Variants in MAST4 observed in about 807,000 individuals in gnomAD.
The protein encoded by MAST4 is microtubule associated serine/threonine kinase family member 4, also known as microtubule-associated serine/threonine-protein kinase 4.
A neutral mutation model predicts 162.7 loss-of-function variants in MAST4; 89 were observed. The observed-to-expected ratio is 0.55, with a 90% CI of 0.46 to 0.65. The LOEUF is 0.65. Ranked by LOEUF, MAST4 falls within the 30% of genes least tolerant of loss-of-function variation. MAST4 has a pLI of 0.00. For missense variants in MAST4, 3,153 were observed against 3,374.0 expected (o/e 0.93, Z 1.62); for synonymous variants, 1,479 against 1,361.1 (o/e 1.09, Z -1.91).
intron 1 of MAST4, among the ~76,000 whole-genome samples, chr5:66,633,699 T>G (rs760445351): frequency 6.6e-6 from 1 of 152,204 alleles, no homozygotes; most frequent in Non-Finnish European, 1.5e-5. Flanking sequence ...GGGCTAGGTT[T>G]GTTTGTTTTC....
chr5:66,917,104 C>T, intron 4 of MAST4: 3 of 711,184 alleles, frequency 4.2e-6, no homozygotes, highest in Non-Finnish European at 7.9e-6. Flanking sequence ...CCATTTTCTA[C>T]ATTCTCACCA....
chr5:66,916,943 T>C (rs1377915886), intron 4 of MAST4: 2 of 716,050 alleles, frequency 2.8e-6, no homozygotes, highest in African/African-American at 1.7e-5. Context: ...ACAATTTTTT[T>C]ACCTATATCC....
intron 5 of MAST4, among the ~76,000 whole-genome samples, chr5:67,075,816 T>C (rs1471226886): frequency 6.6e-6 from 1 of 152,208 alleles, no homozygotes; most frequent in Non-Finnish European, 1.5e-5. Flanking sequence ...ATGAAATGAT[T>C]AGCTATTATA....
At chr5:66,959,700 T>C (rs1177186956) in intron 4 of MAST4, among the ~76,000 whole-genome samples, 1 of 152,172 alleles carries the variant, frequency 6.6e-6, no homozygotes, top group Admixed American at 6.5e-5. Flanking sequence ...TGGATTAGAG[T>C]GCAAGAGAAG....
At chr5:67,137,159 G>A (rs1003301249) in intron 19 of MAST4, among the ~76,000 whole-genome samples, 3 of 152,124 alleles carry the variant, frequency 2.0e-5, no homozygotes, top group African/African-American at 7.2e-5. Flanking sequence ...GAGTGTCTGG[G>A]GTTGAACCAT....
intron 1 of MAST4, among the ~76,000 whole-genome samples, chr5:66,673,732 C>T (rs1380309384): frequency 1.3e-5 from 2 of 152,058 alleles, no homozygotes; most frequent in East Asian, 3.9e-4. Context: ...CTGACCTCTG[C>T]CTGCCTCGGC....
Position 67,002,500 on chromosome 5 carries a change from A to G in MAST4, c.675-51904A>G, listed in dbSNP as rs142915857. Among the ~76,000 whole-genome samples, 483 of 152,326 alleles carry G rather than the reference A, an allele frequency of 3.2e-3. 3 individuals carry two copies. The highest frequency in any genetic ancestry group is 0.017 in the Middle Eastern group (5 of 294). On this transcript the variant is annotated intron_variant, in intron 4 of 28. Transcript: ENST00000403625. ...TTGGAAAGACAGCAGTAAACAGTCA[A>G]TTATACACAGTGTGATCAGCAGCCT...
At chr5:66,795,914 T>C (rs1243914437) in intron 3 of MAST4, among the ~76,000 whole-genome samples, 1 of 152,132 alleles carries the variant, frequency 6.6e-6, no homozygotes, top group Non-Finnish European at 1.5e-5. Flanking sequence ...ATAATCAGAG[T>C]CTCTGGAGTG....
rs1218832746 is a variant in MAST4 at position 66,992,234 on chromosome 5, T to C, written c.675-62170T>C. Among the ~76,000 whole-genome samples the C allele has an allele frequency of 3.3e-5, 5 of 152,330 alleles. No individual in the cohort carries two copies. The South Asian group carries it at 1.0e-3, about 32-fold the overall frequency. On this transcript the variant is annotated intron_variant, in intron 4 of 28. Coordinates refer to ENST00000403625, the MANE Select transcript of MAST4 (RefSeq NM_001164664.2). ...TGCTGCTATATAATCTTCATAATGA[T>C]CATTTTTGGTGTCTGCATAATTAGT...
intron 7 of MAST4, among the ~76,000 whole-genome samples, chr5:67,099,149 T>C (rs1331180082): frequency 6.6e-6 from 1 of 152,084 alleles, no homozygotes; most frequent in Non-Finnish European, 1.5e-5. Flanking sequence ...CACCACTGCT[T>C]ATCTCCTGCT....
chr5:67,041,570 T>C (rs1756745878), intron 4 of MAST4, among the ~76,000 whole-genome samples: 1 of 152,248 alleles, frequency 6.6e-6, no homozygotes, highest in South Asian at 2.1e-4. Flanking sequence ...GCCAGCACTA[T>C]CATAATTTCT....
chr5:66,756,463 A>G (rs575578843), intron 1 of MAST4, among the ~76,000 whole-genome samples: 1 of 152,332 alleles, frequency 6.6e-6, no homozygotes, highest in Admixed American at 6.5e-5. Context: ...CTTGAACATC[A>G]GTGAAAGTTT....
At chr5:67,040,274 CA>C (rs373320449) in intron 4 of MAST4, among the ~76,000 whole-genome samples, 1 of 150,968 alleles carries the variant, frequency 6.6e-6, no homozygotes, top group Non-Finnish European at 1.5e-5. Context: ...AACAATAGAA[CA>C]AAAAAAAATC....
intron 4 of MAST4, among the ~76,000 whole-genome samples, chr5:66,969,777 C>T (rs967482699): frequency 1.3e-5 from 2 of 152,198 alleles, no homozygotes; most frequent in Admixed American, 6.5e-5. Context: ...GGAAAGTCAC[C>T]TGACGGCTAA....
chr5:66,781,689 A>T (rs555887195), intron 2 of MAST4, among the ~76,000 whole-genome samples: 4 of 152,282 alleles, frequency 2.6e-5, no homozygotes, highest in Admixed American at 2.6e-4. Context: ...TCACGTCAAG[A>T]GAGAGCTTTG....
intron 4 of MAST4, among the ~76,000 whole-genome samples, chr5:67,013,478 A>G (rs1752926257): frequency 6.6e-6 from 1 of 152,246 alleles, no homozygotes; most frequent in African/African-American, 2.4e-5. Flanking sequence ...GAAGCTATCA[A>G]ACAAAATAAA....
intron 4 of MAST4, among the ~76,000 whole-genome samples, chr5:66,949,253 G>A (rs918227612): frequency 6.6e-6 from 1 of 151,994 alleles, no homozygotes; most frequent in African/African-American, 2.4e-5. Flanking sequence ...GTTGATGTTG[G>A]GCAATGATAT....
At chr5:66,884,603 T>C (rs892040179) in intron 3 of MAST4, among the ~76,000 whole-genome samples, 1 of 152,212 alleles carries the variant, frequency 6.6e-6, no homozygotes, top group African/African-American at 2.4e-5. Flanking sequence ...GATCTCCTCA[T>C]TGTAAGTGTT....
intron 1 of MAST4, among the ~76,000 whole-genome samples, chr5:66,685,953 A>G (rs1748629814): frequency 6.6e-6 from 1 of 152,106 alleles, no homozygotes; most frequent in African/African-American, 2.4e-5. Flanking sequence ...AGATTCTCAA[A>G]AGGAGCACAC....
Sources: allele counts gnomAD v4.1 joint callset (sites outside exome capture counted in the v4.1 genomes callset), GRCh38; gene constraint gnomAD v4.1.1; transcripts MANE v1.5; gene names NCBI Gene and HGNC (gene_info 2026-07-23, HGNC 2026-07-21).